Variants in TUBGCP2 observed in about 807,000 individuals in gnomAD.
The protein encoded by TUBGCP2 is tubulin gamma complex component 2, also known as gamma-tubulin complex component 2.
TUBGCP2 carries 55 observed loss-of-function variants against 92.2 expected under a neutral mutation model. The observed-to-expected ratio is 0.60, with a 90% CI of 0.48 to 0.75. TUBGCP2 has a LOEUF of 0.75. Among genes scored for constraint, TUBGCP2 ranks in the 30% least tolerant of loss-of-function variants. The probability of loss-of-function intolerance (pLI) is 0.00; values close to 1 mark genes in which losing one functional copy is unlikely to be tolerated. For synonymous variants in TUBGCP2, 533 were observed against 505.2 expected (o/e 1.06, Z -0.74); for missense variants, 1,093 against 1,188.9 (o/e 0.92, Z 1.19).
chr10:133,307,199 A>T (rs1409574370), intron 1 of TUBGCP2, among the ~76,000 whole-genome samples: 1 of 152,172 alleles, frequency 6.6e-6, no homozygotes, highest in Non-Finnish European at 1.5e-5. Flanking sequence ...GATGCTCCTG[A>T]ATTCTTACTA....
At chr10:133,297,005 C>T (rs762084602) in intron 5 of TUBGCP2, among the ~76,000 whole-genome samples, 1 of 152,190 alleles carries the variant, frequency 6.6e-6, no homozygotes, top group Non-Finnish European at 1.5e-5. Flanking sequence ...AGTGGGGAAG[C>T]AGACCACGCT....
rs761263768 is a variant in TUBGCP2 at position 133,288,916 on chromosome 10, C to T, written c.1465G>A (p.Glu489Lys). ...TTGCTGGCGTAGTTAAACGCCTTCT[C>T]GATCTGCTCCACATACGCCCGCTCT... ...LKERAYVEQIEKAFNYASKVL... is the reference protein window; with the variant it reads ...LKERAYVEQIKKAFNYASKVL... The change falls in exon 10 of 18, where the codon GAG (glutamate) becomes AAG (lysine). Residue 489 changes from glutamate (E) to lysine (K), a missense_variant. Physicochemically the swap from Glu to Lys is moderately conservative, Grantham distance 56. This residue lies in a region of TUBGCP2 where 598 missense variants were observed against 675.5 expected (regional missense o/e 0.89). Coordinates refer to ENST00000252936, the MANE Select transcript of TUBGCP2 (RefSeq NM_006659.4). 28 of 1,614,108 alleles carry T rather than the reference C, an allele frequency of 1.7e-5. No homozygotes were observed. Among genetic ancestry groups the T allele is most frequent in the Middle Eastern group, 1.6e-4 (1 of 6,084 alleles).
chr10:133,289,498 G>C (rs1414661537), intron 9 of TUBGCP2, among the ~76,000 whole-genome samples: 1 of 152,216 alleles, frequency 6.6e-6, no homozygotes, highest in Non-Finnish European at 1.5e-5. Context: ...TGTCTTTGCT[G>C]GTTTTTCCTG....
At position 133,278,683 on chromosome 10, in the gene TUBGCP2, A is replaced by T. The variant is rs1350909405; in HGVS notation, c.*1083T>A. The T allele has an allele frequency of 6.6e-6, 1 of 152,378 alleles. No individual in the cohort carries two copies. The highest frequency in any genetic ancestry group is 1.5e-5 in the Non-Finnish European group (1 of 68,152). 9.4% of individuals were successfully genotyped at this position (152,378 alleles called of 1,614,324 possible). ...CAGGCCAGACCTGCACAGCCTGCAG[A>T]CAAGGAGGAAGCGGTTTGTGGCTGG... On this transcript the variant is annotated 3_prime_UTR_variant, in exon 18 of 18. Coordinates refer to ENST00000252936, the MANE Select transcript of TUBGCP2 (RefSeq NM_006659.4).
At chr10:133,304,050 T>C (rs562115100) in intron 1 of TUBGCP2, among the ~76,000 whole-genome samples, 2 of 152,096 alleles carry the variant, frequency 1.3e-5, no homozygotes, top group Non-Finnish European at 2.9e-5. Context: ...GACAAACACA[T>C]GGCTGTGTGC....
At chr10:133,310,252 C>T (rs745837286), upstream of TUBGCP2, 12 of 1,613,870 alleles carry the variant, frequency 7.4e-6, no homozygotes, top group South Asian at 2.2e-5. Flanking sequence ...CTGTACCCCG[C>T]GGACTTCCGG....
At chr10:133,288,336 G>A (rs779037510) in intron 10 of TUBGCP2, 27 bp from the exon 11 acceptor site, 39 of 1,605,246 alleles carry the variant, frequency 2.4e-5, no homozygotes, top group Non-Finnish European at 2.6e-6. Flanking sequence ...GCGTGAGCAG[G>A]TGCCCACCCG....
chr10:133,308,831 C>T lies in TUBGCP2; in HGVS notation c.-48G>A. The T allele has an allele frequency of 2.1e-6, 2 of 956,194 alleles. No homozygotes were observed. The highest frequency in any genetic ancestry group is 2.7e-6 in the Non-Finnish European group (2 of 748,582). The allele number at this position is 956,194 out of a possible 1,614,324, so 59.2% of individuals were successfully genotyped here. ...GTTCGGCCAGGACTCACCGCAGTCCCGGAGCCACAGCCCCCGCGCAGCCCC... is the reference window on the plus strand; with the variant it reads ...GTTCGGCCAGGACTCACCGCAGTCCTGGAGCCACAGCCCCCGCGCAGCCCC... On this transcript the variant is annotated 5_prime_UTR_variant, in exon 1 of 18. Transcript: ENST00000252936.
At chr10:133,299,654 C>A in intron 3 of TUBGCP2, 51 bp from the exon 4 acceptor site, 1 of 1,506,516 alleles carries the variant, frequency 6.6e-7, no homozygotes, top group South Asian at 1.2e-5. Flanking sequence ...CCTCTTTGGC[C>A]ATAGGGGGAG....
At chr10:133,307,416 G>T (rs1318826734) in intron 1 of TUBGCP2, among the ~76,000 whole-genome samples, 1 of 152,254 alleles carries the variant, frequency 6.6e-6, no homozygotes, top group Non-Finnish European at 1.5e-5. Flanking sequence ...AAGAGTCTCT[G>T]TTGAGAGCTC....
rs762286816 is a variant in TUBGCP2, at chr10:133,279,812, C to T, written c.2663G>A (p.Arg888Gln). The change falls in exon 18 of 18, where the codon CGG becomes CAG. Residue 888 changes from arginine (R) to glutamine (Q), a missense_variant. Physicochemically the swap from Arg to Gln is conservative, Grantham distance 43. Coordinates refer to ENST00000252936, the MANE Select transcript of TUBGCP2 (RefSeq NM_006659.4). ...QKATPQVPVL[R>Q]GPPAPAPRVA... is the part of the protein sequence containing the mutation. ...CCTGGGTGCAGGAGCCGGGGGCCCCCGCAGGACAGGCACTTGGGGGGTGGC... is the reference window on the plus strand; with the variant it reads ...CCTGGGTGCAGGAGCCGGGGGCCCCTGCAGGACAGGCACTTGGGGGGTGGC... 6.3e-6 allele frequency: 10 copies of T among 1,581,976 alleles called. No individual in the cohort carries two copies. Among genetic ancestry groups the T allele is most frequent in the Admixed American group, 5.5e-5 (3 of 54,978 alleles).
chr10:133,294,732 T>C (rs1847450371), intron 5 of TUBGCP2, among the ~76,000 whole-genome samples: 3 of 152,152 alleles, frequency 2.0e-5, no homozygotes, highest in South Asian at 4.1e-4. Context: ...CCTGTATCCT[T>C]AGTCTCCCTC....
intron 11 of TUBGCP2, among the ~76,000 whole-genome samples, chr10:133,286,814 T>A (rs1318164626): frequency 1.3e-5 from 2 of 151,894 alleles, no homozygotes; most frequent in Non-Finnish European, 2.9e-5. Context: ...TCAGAGGGAA[T>A]CAGAAACACC....
At chr10:133,301,130 G>A (rs1020542710) in intron 2 of TUBGCP2, among the ~76,000 whole-genome samples, 1 of 152,128 alleles carries the variant, frequency 6.6e-6, no homozygotes, top group African/African-American at 2.4e-5. Flanking sequence ...AACCCTAGGG[G>A]TTATGCTTTT....
intron 4 of TUBGCP2, among the ~76,000 whole-genome samples, chr10:133,299,123 G>A (rs186330213): frequency 6.6e-6 from 1 of 152,310 alleles, no homozygotes; most frequent in Non-Finnish European, 1.5e-5. Context: ...TGGGGAGTCA[G>A]GATTGGGTAG....
At chr10:133,294,837 C>T (rs924857245) in intron 5 of TUBGCP2, among the ~76,000 whole-genome samples, 2 of 152,056 alleles carry the variant, frequency 1.3e-5, no homozygotes, top group Non-Finnish European at 2.9e-5. Context: ...GCTGGCAGAT[C>T]TACACTTTTC....
chr10:133,293,594 G>A lies in TUBGCP2; in HGVS notation c.792C>T (p.Leu264=). Residue 264 remains leucine, a synonymous_variant, in exon 6 of 18, where the codon CTC becomes CTT. Coordinates refer to ENST00000252936, the MANE Select transcript of TUBGCP2 (RefSeq NM_006659.4). ...LSIRELVHRI[L]PVAASYSAVT... ...CAGCGGAGTAGCTGGCGGCCACTGGGAGGATCCTGTGCACCAGCTCCCTGA... is the reference window on the plus strand; with the variant it reads ...CAGCGGAGTAGCTGGCGGCCACTGGAAGGATCCTGTGCACCAGCTCCCTGA... 2 of 1,556,998 alleles carry A rather than the reference G, an allele frequency of 1.3e-6. No homozygotes were observed. The highest frequency in any genetic ancestry group is 1.7e-6 in the Non-Finnish European group (2 of 1,150,422).
rs1846911944 is a variant in TUBGCP2, at chr10:133,279,532, T to C, written c.*234A>G. The C allele has an allele frequency of 3.4e-6, 2 of 591,150 alleles. No homozygotes were observed. The highest frequency in any genetic ancestry group is 6.8e-5 in the East Asian group (2 of 29,226). The allele number at this position is 591,150 out of a possible 1,614,324, so 36.6% of individuals were successfully genotyped here. On this transcript the variant is annotated 3_prime_UTR_variant, in exon 18 of 18. Coordinates refer to ENST00000252936, the MANE Select transcript of TUBGCP2 (RefSeq NM_006659.4). ...CCAAAAACACCCAAAAAGGTGATAG[T>C]GTAATTTCAAAAAGCAAACAGATTA... is the stretch of plus-strand genomic sequence containing the variant.
rs151279391 is a variant in TUBGCP2 at position 133,282,423 on chromosome 10, C to T, written c.2290-81G>A. ...GCAGAAAAAACAAGTCCTGCAGGCA[C>T]GTCACCCTCCGCACCTCTGTTGTAG... On this transcript the variant is annotated intron_variant, in intron 15 of 17. Coordinates refer to ENST00000252936, the MANE Select transcript of TUBGCP2 (RefSeq NM_006659.4). 8.2e-5 allele frequency: 122 copies of T among 1,490,410 alleles called. No homozygotes were observed. In the African/African-American group the frequency reaches 1.5e-3, roughly 19 times the overall value. 92.3% of individuals were successfully genotyped at this position (1,490,410 alleles called of 1,614,324 possible).
Sources: allele counts gnomAD v4.1 joint callset (sites outside exome capture counted in the v4.1 genomes callset), GRCh38; gene constraint gnomAD v4.1.1; regional missense constraint gnomAD v4.1.1; transcripts MANE v1.5; gene names NCBI Gene and HGNC (gene_info 2026-07-23, HGNC 2026-07-21).